Variants in LTBP1 observed in about 807,000 individuals in gnomAD.
LTBP1 encodes latent transforming growth factor beta binding protein 1.
In LTBP1, 129 loss-of-function variants were observed where a neutral mutation model predicts 207.6. That is an observed-to-expected ratio of 0.62 (90% confidence interval 0.54 to 0.72). LTBP1 has a LOEUF of 0.72. Among genes scored for constraint, LTBP1 ranks in the 30% least tolerant of loss-of-function variants. The pLI is 0.00. For synonymous variants in LTBP1, 963 were observed against 833.7 expected (o/e 1.16, Z -2.67); for missense variants, 2,281 against 2,217.2 (o/e 1.03, Z -0.58).
chr2:33,214,010 G>A (rs1184900601), intron 7 of LTBP1, among the ~76,000 whole-genome samples: 1 of 152,164 alleles, frequency 6.6e-6, no homozygotes. Flanking sequence ...AAACATTCTA[G>A]GAATCCAAGG....
At chr2:33,128,117 T>C (rs1010152935) in intron 4 of LTBP1, among the ~76,000 whole-genome samples, 1 of 152,196 alleles carries the variant, frequency 6.6e-6, no homozygotes, top group Non-Finnish European at 1.5e-5. Flanking sequence ...AGCCATCAAA[T>C]GTGTTCCTTG....
chr2:33,115,111 C>T (rs2080662728), intron 4 of LTBP1, among the ~76,000 whole-genome samples: 1 of 125,426 alleles, frequency 8.0e-6, no homozygotes, highest in African/African-American at 3.2e-5. Flanking sequence ...TATGTACACA[C>T]ACACACACAT....
chr2:33,297,133 G>A (rs2093892261), intron 20 of LTBP1, among the ~76,000 whole-genome samples: 3 of 152,162 alleles, frequency 2.0e-5, no homozygotes. Context: ...GCAGGCAGAG[G>A]AAACAGCATA....
Position 33,127,185 on chromosome 2 carries a change from G to C in LTBP1, c.1034-7608G>C, listed in dbSNP as rs1385886413. On this transcript the variant is annotated intron_variant, in intron 4 of 33. Coordinates refer to ENST00000404816, the MANE Select transcript of LTBP1 (RefSeq NM_206943.4). ...TCCAGTGACTCAGAATGTGTGTTCAGAGCCCAGGAGGTTTTGGTTTTCTTC... is the reference window on the plus strand; with the variant it reads ...TCCAGTGACTCAGAATGTGTGTTCACAGCCCAGGAGGTTTTGGTTTTCTTC... 4.6e-5 allele frequency among the ~76,000 whole-genome samples: 7 copies of C among 152,310 alleles called. No individual in the cohort carries two copies. The East Asian group carries it at 7.7e-4, about 17-fold the overall frequency.
At chr2:33,383,844 G>A (rs1162790518) in intron 31 of LTBP1, among the ~76,000 whole-genome samples, 3 of 152,118 alleles carry the variant, frequency 2.0e-5, no homozygotes, top group Non-Finnish European at 4.4e-5. Flanking sequence ...GCCCTGACCT[G>A]TTTTTCTTAA....
chr2:32,979,556 C>G (rs962191387), intron 2 of LTBP1, among the ~76,000 whole-genome samples: 9 of 151,976 alleles, frequency 5.9e-5, no homozygotes, highest in Admixed American at 2.6e-4. Flanking sequence ...AGAGAAAATA[C>G]TTAATATAAT....
chr2:33,126,112 C>T (rs188958909), intron 4 of LTBP1, among the ~76,000 whole-genome samples: 5 of 152,068 alleles, frequency 3.3e-5, no homozygotes, highest in East Asian at 1.9e-4. Flanking sequence ...TGAGTATTCC[C>T]GTAGCATGGG....
At chr2:33,075,079 T>C (rs454823) in intron 3 of LTBP1, among the ~76,000 whole-genome samples, 127,546 of 151,914 alleles carry the variant, frequency 0.84, 55,510 homozygotes, top group East Asian at 1. Flanking sequence ...AAACAAAAAA[T>C]GGATAAAAAA....
intron 24 of LTBP1, among the ~76,000 whole-genome samples, chr2:33,328,217 A>C (rs2094453208): frequency 6.6e-6 from 1 of 151,540 alleles, no homozygotes; most frequent in South Asian, 2.1e-4. Flanking sequence ...TAAGGCCACC[A>C]CTTGACAAGC....
At chr2:32,996,970 C>T (rs1020920079) in intron 2 of LTBP1, among the ~76,000 whole-genome samples, 5 of 152,044 alleles carry the variant, frequency 3.3e-5, no homozygotes, top group East Asian at 1.9e-4. Flanking sequence ...CTGCAGTGTC[C>T]GCCTTCTGGG....
intron 31 of LTBP1, among the ~76,000 whole-genome samples, chr2:33,380,181 C>A (rs1208423917): frequency 6.6e-6 from 1 of 152,162 alleles, no homozygotes; most frequent in Non-Finnish European, 1.5e-5. Context: ...TGGGCACCAC[C>A]TGCAGGTAAC....
chr2:33,173,532 G>T (rs1458121357), intron 5 of LTBP1, among the ~76,000 whole-genome samples: 1 of 151,964 alleles, frequency 6.6e-6, no homozygotes, highest in African/African-American at 2.4e-5. Flanking sequence ...CAACCAAAAA[G>T]AGTCCAGGAC....
At chr2:33,208,693 A>G (rs907558539) in intron 7 of LTBP1, among the ~76,000 whole-genome samples, 1 of 152,162 alleles carries the variant, frequency 6.6e-6, no homozygotes, top group African/African-American at 2.4e-5. Context: ...TGGAGCTTTC[A>G]TAAAATCATA....
chr2:33,117,725 A>G (rs145627479), intron 4 of LTBP1, among the ~76,000 whole-genome samples: 106 of 152,316 alleles, frequency 7.0e-4, no homozygotes, highest in African/African-American at 2.5e-3. Context: ...AGTTGAGAGC[A>G]CCCATTATGG....
chr2:33,141,980 T>A (rs1187661648), intron 5 of LTBP1, among the ~76,000 whole-genome samples: 1 of 152,052 alleles, frequency 6.6e-6, no homozygotes. Context: ...CTTGCAGGAG[T>A]CTTGGTGATT....
At chr2:33,107,541 G>A (rs2080135608) in intron 3 of LTBP1, among the ~76,000 whole-genome samples, 1 of 152,210 alleles carries the variant, frequency 6.6e-6, no homozygotes, top group African/African-American at 2.4e-5. Context: ...TAGGATTGAG[G>A]AGATGTCTTA....
chr2:33,197,274 C>G (rs1186372962), intron 7 of LTBP1, among the ~76,000 whole-genome samples: 1 of 152,142 alleles, frequency 6.6e-6, no homozygotes, highest in East Asian at 1.9e-4. Context: ...GTTGGCCGGT[C>G]CTAATTTTGG....
At chr2:33,382,896 G>C (rs1371690654) in intron 31 of LTBP1, among the ~76,000 whole-genome samples, 2 of 152,090 alleles carry the variant, frequency 1.3e-5, no homozygotes, top group African/African-American at 2.4e-5. Context: ...ATGTATTCCG[G>C]GATAAAGAGC....
chr2:33,118,190 C>CAA lies in LTBP1; in HGVS notation c.1033+7451_1033+7452dup, dbSNP rs1399685000. On this transcript the variant is annotated intron_variant, in intron 4 of 33. Coordinates refer to ENST00000404816, the MANE Select transcript of LTBP1 (RefSeq NM_206943.4). ...ATGGAGACTACCTTTAACTTGTGTG[C>CAA]AAAAAAAAAAAAACAAAAAAAAAAC... 6.3e-4 allele frequency among the ~76,000 whole-genome samples: 51 copies of CAA among 81,348 alleles called. 1 individual carries two copies. The highest frequency in any genetic ancestry group is 8.8e-4 in the Admixed American group (7 of 7,964). 53.4% of individuals were successfully genotyped at this position (81,348 alleles called of 152,430 possible).
Sources: gnomAD v4.1 joint callset for allele counts (sites outside exome capture counted in the v4.1 genomes callset) on GRCh38, gnomAD v4.1.1 for gene constraint, MANE v1.5 for transcripts, NCBI Gene and HGNC (gene_info 2026-07-23, HGNC 2026-07-21) for gene names.